Variants in DAB1 observed in about 807,000 individuals in gnomAD.
The protein encoded by DAB1 is DAB adaptor protein 1, also known as disabled homolog 1.
DAB1 carries 15 observed loss-of-function variants against 64.6 expected under a neutral mutation model. The ratio of observed to expected loss-of-function variants is 0.23; its 90% CI spans 0.16 to 0.36. DAB1 has a LOEUF of 0.36. DAB1 is among the 10% of genes least tolerant of loss of function. The pLI, the probability that DAB1 is intolerant of heterozygous loss-of-function variation, is 1.00. For missense variants in DAB1, 596 were observed against 706.7 expected (o/e 0.84, Z 1.78); for synonymous variants, 235 against 251.9 (o/e 0.93, Z 0.64).
intron 5 of DAB1, among the ~76,000 whole-genome samples, chr1:58,121,242 T>C (rs1202677976): frequency 6.6e-6 from 1 of 152,160 alleles, no homozygotes; most frequent in Non-Finnish European, 1.5e-5. Flanking sequence ...TTCCAAAACA[T>C]GAGCTGGATC....
chr1:57,775,348 A>G (rs2101835345), intron 6 of DAB1, among the ~76,000 whole-genome samples: 1 of 151,574 alleles, frequency 6.6e-6, no homozygotes, highest in East Asian at 1.9e-4. Context: ...CAAGGTGAGG[A>G]GTTAATAATA....
Position 57,606,576 on chromosome 1 carries a change from TATATA to T in DAB1, n.625+43011_625+43015del, listed in dbSNP as rs1282429095. 1.6e-4 allele frequency among the ~76,000 whole-genome samples: 17 copies of T among 106,260 alleles called. 1 individual carries two copies. Among genetic ancestry groups the T allele is most frequent in the East Asian group, 5.0e-4 (2 of 4,010 alleles). 69.7% of individuals were successfully genotyped at this position (106,260 alleles called of 152,430 possible). A position where few individuals can be genotyped will look rare whatever the true frequency, so the allele number is the denominator to read the frequency against. Reference sequence around the variant, plus strand: ...AATATATTATATATTATATATGAAATATATAATATAATATATTATATATTATATAT... The same window carrying T: ...AATATATTATATATTATATATGAAATATATAATATATTATATATTATATAT... On this transcript the variant is annotated intron_variant and non_coding_transcript_variant, in intron 7 of 20. Transcript: ENST00000485760.
chr1:57,152,475 G>A (rs1659786157), intron 2 of DAB1, among the ~76,000 whole-genome samples: 1 of 152,200 alleles, frequency 6.6e-6, no homozygotes, highest in Non-Finnish European at 1.5e-5. Context: ...TAGGGGTTAT[G>A]CAGCATCATA....
intron 5 of DAB1, among the ~76,000 whole-genome samples, chr1:57,970,079 C>A (rs888144804): frequency 2.0e-5 from 3 of 152,076 alleles, no homozygotes; most frequent in Non-Finnish European, 4.4e-5. Flanking sequence ...GAGAAGGCAC[C>A]GTCTATGAAA....
chr1:58,330,957 A>G (rs770563846), intron 4 of DAB1, among the ~76,000 whole-genome samples: 1 of 152,216 alleles, frequency 6.6e-6, no homozygotes, highest in Non-Finnish European at 1.5e-5. Context: ...AATGATTTTG[A>G]CTTTCAAGTC....
At chr1:57,496,194 G>A (rs79261299) in intron 7 of DAB1, among the ~76,000 whole-genome samples, 1 of 152,182 alleles carries the variant, frequency 6.6e-6, no homozygotes, top group East Asian at 1.9e-4. Flanking sequence ...ATGCCCTTGG[G>A]ACTGGGCTTT....
At chr1:57,874,882 G>C (rs1557530736) in intron 1 of DAB1, 1 of 152,148 alleles carries the variant, frequency 6.6e-6, no homozygotes, top group Admixed American at 6.5e-5. Context: ...TTCACAACGT[G>C]GTCCCAACAT....
Position 57,984,185 on chromosome 1 carries a change from AAAGAAAG to A in DAB1, n.388-100030_388-100024del, listed in dbSNP as rs1211831192. The stretch of plus-strand genomic sequence containing the variant: ...TCAGGGCCCAGGACTAGCTTAAAAA[AAAGAAAG>A]AAAGAAAGAAAGAAAGAAAGAAAGA... On this transcript the variant is annotated intron_variant and non_coding_transcript_variant, in intron 5 of 20. Coordinates refer to the DAB1 transcript ENST00000485760. Among the ~76,000 whole-genome samples the A allele has an allele frequency of 1.8e-3, 40 of 22,082 alleles. 5 individuals are homozygous for A. The South Asian group carries it at 0.024, about 13-fold the overall frequency. 14.5% of individuals were successfully genotyped at this position (22,082 alleles called of 152,430 possible).
At chr1:57,259,328 TA>T in intron 2 of DAB1, among the ~76,000 whole-genome samples, 1 of 152,014 alleles carries the variant, frequency 6.6e-6, no homozygotes, top group East Asian at 1.9e-4. Flanking sequence ...TGAGACACAG[TA>T]AGGTGAGCCC....
intron 2 of DAB1, among the ~76,000 whole-genome samples, chr1:57,268,524 T>C (rs981737029): frequency 6.6e-6 from 1 of 152,198 alleles, no homozygotes; most frequent in African/African-American, 2.4e-5. Context: ...ATTGTATTTA[T>C]TAAGTTTATT....
chr1:57,565,073 T>C (rs1342827649), intron 7 of DAB1, among the ~76,000 whole-genome samples: 1 of 152,164 alleles, frequency 6.6e-6, no homozygotes, highest in African/African-American at 2.4e-5. Flanking sequence ...ACAGCAGATC[T>C]CTCAGCAGAA....
At chr1:57,170,140 G>A (rs776977789) in intron 2 of DAB1, among the ~76,000 whole-genome samples, 1 of 151,866 alleles carries the variant, frequency 6.6e-6, no homozygotes, top group Non-Finnish European at 1.5e-5. Flanking sequence ...GGGCTTACAG[G>A]TGCATGCCAC....
At chr1:58,475,579 C>T (rs1214679371) in intron 3 of DAB1, among the ~76,000 whole-genome samples, 1 of 152,132 alleles carries the variant, frequency 6.6e-6, no homozygotes, top group African/African-American at 2.4e-5. Flanking sequence ...AAGACATCAT[C>T]ATCACTTCTG....
At chr1:57,827,480 T>A (rs541557555) in intron 1 of DAB1, among the ~76,000 whole-genome samples, 89 of 152,328 alleles carry the variant, frequency 5.8e-4, no homozygotes, top group Non-Finnish European at 8.8e-4. Flanking sequence ...TTTCTCAATA[T>A]TCAAGATGAG....
At chr1:57,984,183 A>AG (rs1646136981) in intron 5 of DAB1, among the ~76,000 whole-genome samples, 5 of 79,274 alleles carry the variant, frequency 6.3e-5, no homozygotes, top group African/African-American at 1.5e-4. Flanking sequence ...CTAGCTTAAA[A>AG]AAAAGAAAGA....
intron 4 of DAB1, among the ~76,000 whole-genome samples, chr1:58,249,236 A>G (rs531219109): frequency 1.3e-5 from 2 of 151,732 alleles, no homozygotes; most frequent in African/African-American, 4.8e-5. Context: ...CTCTGCCACC[A>G]CCACATATTT....
intron 5 of DAB1, among the ~76,000 whole-genome samples, chr1:57,895,298 C>T (rs545273256): frequency 6.6e-6 from 1 of 152,270 alleles, no homozygotes; most frequent in African/African-American, 2.4e-5. Flanking sequence ...ACTATGATTT[C>T]ATTATCCTAA....
At chr1:57,668,904 C>T (rs1341942047) in intron 6 of DAB1, among the ~76,000 whole-genome samples, 2 of 152,048 alleles carry the variant, frequency 1.3e-5, no homozygotes, top group African/African-American at 4.8e-5. Flanking sequence ...TGATCTTAAA[C>T]ATTTACATAT....
chr1:57,463,567 T>C (rs969569406), intron 7 of DAB1, among the ~76,000 whole-genome samples: 1 of 152,158 alleles, frequency 6.6e-6, no homozygotes, highest in Non-Finnish European at 1.5e-5. Context: ...TTCCAAGCTT[T>C]TGGCAGCCTG....
Sources: allele counts gnomAD v4.1 joint callset (sites outside exome capture counted in the v4.1 genomes callset), GRCh38; gene constraint gnomAD v4.1.1; transcripts MANE v1.5; gene names NCBI Gene and HGNC (gene_info 2026-07-23, HGNC 2026-07-21).